The following IRS2 variants were observed in gnomAD, a reference collection of about 807,000 sequenced individuals.
The protein encoded by IRS2 is insulin receptor substrate 2.
Under a neutral mutation model 70.9 loss-of-function variants are expected in IRS2, and 28 were observed. That is an observed-to-expected ratio of 0.39 (90% CI 0.29 to 0.54). IRS2 has a LOEUF of 0.54. IRS2 is among the 20% of genes least tolerant of loss of function. The pLI is 0.59. For missense variants in IRS2, 2,081 were observed against 2,024.1 expected (o/e 1.03, Z -0.54); for synonymous variants, 1,217 against 981.9 (o/e 1.24, Z -4.48).
Position 109,755,780 on chromosome 13 carries a change from C to T in IRS2, c.*524G>A, listed in dbSNP as rs1425712907. ...CGAGGACCGCGCTCCAGACACACAG[C>T]GCAGGGGCTACTACAGGAGGTCCTG... is the stretch of plus-strand genomic sequence containing the variant. On this transcript the variant is annotated 3_prime_UTR_variant, in exon 2 of 2. Coordinates refer to ENST00000375856, the MANE Select transcript of IRS2 (RefSeq NM_003749.3). 6.0e-5 allele frequency: 13 copies of T among 217,314 alleles called. No homozygotes were observed. The highest frequency in any genetic ancestry group is 1.5e-3 in the Middle Eastern group (1 of 662). The allele number at this position is 217,314 out of a possible 1,614,324, so 13.5% of individuals were successfully genotyped here. A position where few individuals can be genotyped will look rare whatever the true frequency, so the allele number is the denominator to read the frequency against.
chr13:109,770,832 AAT>A (rs960417446), intron 1 of IRS2, among the ~76,000 whole-genome samples: 2 of 152,214 alleles, frequency 1.3e-5, no homozygotes, highest in Non-Finnish European at 2.9e-5. Flanking sequence ...ATTGGCTTAA[AAT>A]ATCAACTGTG....
Position 109,786,169 on chromosome 13 carries a change from A to G in IRS2, c.-116T>C, listed in dbSNP as rs1877919590. 1 of 524,490 alleles carries G rather than the reference A, an allele frequency of 1.9e-6. No homozygotes were observed. Among genetic ancestry groups the G allele is most frequent in the Non-Finnish European group, 2.4e-6 (1 of 411,942 alleles). 32.5% of individuals were successfully genotyped at this position (524,490 alleles called of 1,614,324 possible). On this transcript the variant is annotated 5_prime_UTR_variant, in exon 1 of 2. Coordinates refer to ENST00000375856, the MANE Select transcript of IRS2 (RefSeq NM_003749.3). The surrounding 1 kb of genome is among the most constrained non-coding windows in gnomAD (Gnocchi z 4.4). The stretch of plus-strand genomic sequence containing the variant: ...ACCCTTGCGCCCGGCCGCCCGCCCG[A>G]TCACGCGTCCCTCGGGCCCAGGCGG...
At chr13:109,763,499 A>G (rs991449297) in intron 1 of IRS2, among the ~76,000 whole-genome samples, 1 of 152,234 alleles carries the variant, frequency 6.6e-6, no homozygotes, top group Non-Finnish European at 1.5e-5. Flanking sequence ...ATCCTACACT[A>G]GCATTCTTCC....
chr13:109,772,570 G>A (rs1877476914), intron 1 of IRS2, among the ~76,000 whole-genome samples: 1 of 151,904 alleles, frequency 6.6e-6, no homozygotes, highest in Non-Finnish European at 1.5e-5. Flanking sequence ...GGCGCTCACC[G>A]TTGGGGGTGC....
rs1436803767 is a variant in IRS2 at position 109,782,142 on chromosome 13, G to A, written c.3912C>T (p.Gly1304=). 1 of 1,529,008 alleles carries A rather than the reference G, an allele frequency of 6.5e-7. No individual in the cohort carries two copies. The highest frequency in any genetic ancestry group is 2.6e-5 in the East Asian group (1 of 38,386). 94.7% of individuals were successfully genotyped at this position (1,529,008 alleles called of 1,614,324 possible). ...CACCGGGACCCGGCCCCCCGCACCC[G>A]CCGCCGGTGCTGCCGACGCCCACAG... ...ISAVGVGSTG[G]GCGGPGPGAL... is the part of the protein sequence containing the mutation. The change falls in exon 1 of 2, where the codon GGC becomes GGT. Residue 1304 remains glycine (G), a synonymous_variant. Transcript: ENST00000375856.
intron 1 of IRS2, among the ~76,000 whole-genome samples, 197 bp downstream of exon 1, chr13:109,781,845 C>T (rs1877710940): frequency 6.6e-6 from 1 of 152,194 alleles, no homozygotes; most frequent in Non-Finnish European, 1.5e-5. Flanking sequence ...ACATTCAACT[C>T]CAAGACGAAT....
At position 109,783,949 on chromosome 13, in the gene IRS2, A is replaced by ACGGCGG. The variant is rs34412495; in HGVS notation, c.2099_2104dup (p.Ala700_Ala701dup). 716 of 1,520,658 alleles carry ACGGCGG rather than the reference A, an allele frequency of 4.7e-4. No homozygotes were observed. Among genetic ancestry groups the ACGGCGG allele is most frequent in the Middle Eastern group, 1.1e-3 (6 of 5,580 alleles). 94.2% of individuals were successfully genotyped at this position (1,520,658 alleles called of 1,614,324 possible). On this transcript the variant is annotated inframe_insertion, in exon 1 of 2. Coordinates refer to ENST00000375856, the MANE Select transcript of IRS2 (RefSeq NM_003749.3). ...TGGCCCCGCAGGCCCCGCAGAAGGC[A>ACGGCGG]CGGCGGCGGCGGCGGCGGCGGCGGC...
intron 1 of IRS2, among the ~76,000 whole-genome samples, chr13:109,767,440 A>T (rs937090867): frequency 4.6e-5 from 7 of 151,910 alleles, no homozygotes; most frequent in Non-Finnish European, 7.4e-5. Context: ...TAAAGAAAAC[A>T]TTTCCTACAC....
chr13:109,784,752 G>C lies in IRS2; in HGVS notation c.1302C>G (p.Pro434=), dbSNP rs1339982352. ...ALQHSRSMSM[P]VAHSPPAATS... is the part of the protein sequence containing the mutation. ...TGGCGGCGGGCGGCGAGTGCGCCAC[G>C]GGCATGGACATGGAGCGGCTGTGTT... is the stretch of plus-strand genomic sequence containing the variant. The change falls in exon 1 of 2, where the codon CCC becomes CCG. Residue 434 remains proline, a synonymous_variant. Transcript: ENST00000375856. The surrounding 1 kb of genome is among the most constrained non-coding windows in gnomAD (Gnocchi z 5.2). The C allele has an allele frequency of 3.2e-6, 4 of 1,231,672 alleles. No homozygotes were observed. Among genetic ancestry groups the C allele is most frequent in the Admixed American group, 4.4e-5 (1 of 22,752 alleles). 76.3% of individuals were successfully genotyped at this position (1,231,672 alleles called of 1,614,324 possible).
chr13:109,765,488 T>TG, intron 1 of IRS2, among the ~76,000 whole-genome samples: 1 of 145,090 alleles, frequency 6.9e-6, no homozygotes, highest in Non-Finnish European at 1.5e-5. Context: ...TCATCCACCC[T>TG]GACTCCAACT....
At position 109,783,196 on chromosome 13, in the gene IRS2, C is replaced by T. The variant is rs2138931965; in HGVS notation, c.2858G>A (p.Ser953Asn). 1 of 1,401,232 alleles carries T rather than the reference C, an allele frequency of 7.1e-7. No homozygotes were observed. The highest frequency in any genetic ancestry group is 9.2e-7 in the Non-Finnish European group (1 of 1,081,772). The allele number at this position is 1,401,232 out of a possible 1,614,324, so 86.8% of individuals were successfully genotyped here. Residue 953 changes from serine (S) to asparagine (N), a missense_variant, in exon 1 of 2, where the codon AGC becomes AAC. Ser to Asn is a conservative substitution (Grantham distance 46). This residue lies in a region of IRS2 where 1,615 missense variants were observed against 1,459.5 expected (regional missense o/e 1.11). Coordinates refer to ENST00000375856, the MANE Select transcript of IRS2 (RefSeq NM_003749.3). ...GCCTGAGCCCAGCGACGAGGCCGGGCTGCTGGCGGACAAGAGCGAGGAGGA... is the reference window on the plus strand; with the variant it reads ...GCCTGAGCCCAGCGACGAGGCCGGGTTGCTGGCGGACAAGAGCGAGGAGGA... ...ASSSSLLSASSPASSLGSGTP... is the reference protein window; with the variant it reads ...ASSSSLLSASNPASSLGSGTP...
At chr13:109,757,479 G>C (rs941684446) in intron 1 of IRS2, among the ~76,000 whole-genome samples, 5 of 152,054 alleles carry the variant, frequency 3.3e-5, no homozygotes, top group African/African-American at 9.7e-5. Context: ...AACTCAACAA[G>C]ACAGAAACTT....
At chr13:109,779,768 C>A (rs1222495837) in intron 1 of IRS2, among the ~76,000 whole-genome samples, 1 of 152,172 alleles carries the variant, frequency 6.6e-6, no homozygotes, top group Non-Finnish European at 1.5e-5. Context: ...AAACTTCGGA[C>A]AAACAGCAGC....
intron 1 of IRS2, among the ~76,000 whole-genome samples, chr13:109,770,004 CA>C (rs969184202): frequency 6.6e-6 from 1 of 152,152 alleles, no homozygotes; most frequent in Non-Finnish European, 1.5e-5. Flanking sequence ...CAAAAGGTGG[CA>C]AAAGGTGAGA....
chr13:109,771,938 C>G (rs1056354368), intron 1 of IRS2, among the ~76,000 whole-genome samples: 6 of 152,240 alleles, frequency 3.9e-5, no homozygotes, highest in Admixed American at 1.3e-4. Context: ...CGTGGAGTTT[C>G]TAAAGGATTA....
At chr13:109,781,917 G>T in intron 1 of IRS2, 125 bp downstream of exon 1, 1 of 1,032,034 alleles carries the variant, frequency 9.7e-7, no homozygotes, top group Non-Finnish European at 1.4e-6. Flanking sequence ...AAAACAAGGA[G>T]CCAGTGCCAG....
chr13:109,783,692 G>A lies in IRS2; in HGVS notation c.2362C>T (p.Leu788=), dbSNP rs777328184. 1.3e-6 allele frequency: 2 copies of A among 1,563,012 alleles called. No homozygotes were observed. The highest frequency in any genetic ancestry group is 2.4e-5 in the East Asian group (1 of 41,860). ...CTGAGCGGCTCCCCGCCGGGGTGCA[G>A]GGCTGCGGAGAAGAAGTCGGGCGGG... The part of the protein sequence containing the change: ...GTPPDFFSAA[L]HPGGEPLRGV... The change falls in exon 1 of 2, where the codon CTG becomes TTG. Residue 788 remains leucine (L), a synonymous_variant. Transcript: ENST00000375856.
intron 1 of IRS2, among the ~76,000 whole-genome samples, chr13:109,779,363 C>G (rs141498920): frequency 4.6e-5 from 7 of 152,346 alleles, no homozygotes; most frequent in African/African-American, 9.6e-5. Context: ...AGTGCTTTCT[C>G]TATTTCATCT....
chr13:109,780,534 A>C (rs1454514678), intron 1 of IRS2, among the ~76,000 whole-genome samples: 2 of 152,234 alleles, frequency 1.3e-5, no homozygotes, highest in African/African-American at 2.4e-5. Flanking sequence ...TTTCTCTATT[A>C]CACTAGAATA....
Sources: gnomAD v4.1 joint callset for allele counts (sites outside exome capture counted in the v4.1 genomes callset) on GRCh38, gnomAD v4.1.1 for gene constraint, gnomAD v4.1.1 regional missense constraint, Gnocchi (gnomAD v3.1) non-coding constraint, MANE v1.5 for transcripts, NCBI Gene and HGNC (gene_info 2026-07-23, HGNC 2026-07-21) for gene names.